The following SCN2A variants were observed in gnomAD, a reference collection of about 807,000 sequenced individuals.
The protein encoded by SCN2A is sodium voltage-gated channel alpha subunit 2, also known as sodium channel protein type 2 subunit alpha.
SCN2A carries 20 observed loss-of-function variants against 188.7 expected under a neutral mutation model. The observed-to-expected ratio is 0.11, with a 90% CI of 0.07 to 0.15. The LOEUF (loss-of-function observed/expected upper bound fraction) is 0.15. SCN2A is among the 10% of genes least tolerant of loss of function. The pLI is 1.00. For synonymous variants in SCN2A, 804 were observed against 833.1 expected (o/e 0.97, Z 0.60); for missense variants, 1,278 against 2,445.0 (o/e 0.52, Z 10.07).
At chr2:165,373,620 A>G (rs1701160478) in intron 21 of SCN2A, among the ~76,000 whole-genome samples, 1 of 152,148 alleles carries the variant, frequency 6.6e-6, no homozygotes, top group African/African-American at 2.4e-5. Flanking sequence ...ATTTGAATCA[A>G]GATTATTTAT....
chr2:165,260,329 A>G (rs891213705), intron 1 of SCN2A, among the ~76,000 whole-genome samples: 2 of 152,154 alleles, frequency 1.3e-5, no homozygotes, highest in African/African-American at 2.4e-5. Flanking sequence ...CTCCTTGCAG[A>G]TCTCCATCAG....
At chr2:165,328,744 A>G (rs1698501078) in intron 13 of SCN2A, among the ~76,000 whole-genome samples, 1 of 152,174 alleles carries the variant, frequency 6.6e-6, no homozygotes, top group African/African-American at 2.4e-5. Context: ...TGTTCTAGGA[A>G]TAAGTGCAAT....
chr2:165,373,149 AT>A, intron 20 of SCN2A, 75 bp from the exon 21 acceptor site: 1 of 1,500,308 alleles, frequency 6.7e-7, no homozygotes, highest in Admixed American at 1.7e-5. Context: ...TTACTGATTC[AT>A]TGCATAGAGC....
At chr2:165,273,283 A>G (rs1054637760) in intron 1 of SCN2A, 2 of 152,170 alleles carry the variant, frequency 1.3e-5, no homozygotes, top group African/African-American at 4.8e-5. Context: ...ATAAGCACTC[A>G]AAGAAAGTTG....
At chr2:165,345,000 T>A (rs1699495950) in intron 16 of SCN2A, 89 bp downstream of exon 16, 1 of 1,542,934 alleles carries the variant, frequency 6.5e-7, no homozygotes, top group Non-Finnish European at 8.9e-7. Flanking sequence ...TTTGTATTTT[T>A]TAAATCAAGG....
intron 1 of SCN2A, chr2:165,271,659 G>A (rs991065231): frequency 6.6e-6 from 1 of 152,008 alleles, no homozygotes; most frequent in African/African-American, 2.4e-5. Context: ...TCCCCTGTCT[G>A]GCAACTGCTC....
intron 1 of SCN2A, among the ~76,000 whole-genome samples, chr2:165,260,499 G>T (rs1421359271): frequency 6.6e-6 from 1 of 152,150 alleles, no homozygotes; most frequent in East Asian, 1.9e-4. Flanking sequence ...CATTCACAGA[G>T]CATAGGCTGA....
chr2:165,241,675 C>T (rs1693628914), intron 1 of SCN2A, among the ~76,000 whole-genome samples: 1 of 152,146 alleles, frequency 6.6e-6, no homozygotes, highest in Admixed American at 6.5e-5. Flanking sequence ...TGTGCAGATA[C>T]CACTATATCT....
At chr2:165,275,874 A>T (rs1695315336) in intron 1 of SCN2A, among the ~76,000 whole-genome samples, 1 of 152,060 alleles carries the variant, frequency 6.6e-6, no homozygotes, top group African/African-American at 2.4e-5. Flanking sequence ...AGCTGGGATT[A>T]CAGGCACCCG....
chr2:165,364,712 C>T (rs1274664088), intron 17 of SCN2A, among the ~76,000 whole-genome samples: 1 of 152,178 alleles, frequency 6.6e-6, no homozygotes, highest in Admixed American at 6.5e-5. Flanking sequence ...TTGATCAAAT[C>T]TTTTCTGAAT....
Position 165,291,401 on chromosome 2 carries a change from T to TG in SCN2A, c.-51-4372_-51-4371insG, listed in dbSNP as rs1559339883. Among the ~76,000 whole-genome samples, 82 of 145,220 alleles carry TG rather than the reference T, an allele frequency of 5.6e-4. 1 individual carries two copies. The highest frequency in any genetic ancestry group is 1.2e-3 in the African/African-American group (49 of 39,756). On this transcript the variant is annotated intron_variant, in intron 1 of 26. Coordinates refer to ENST00000375437, the MANE Select transcript of SCN2A (RefSeq NM_001040142.2). Reference sequence around the variant, plus strand: ...CTTCCTTCCTTCCTTCCTTCCTTCCTTCCTTCCTTCCTTCCTCCCTGTCTG... The same window carrying TG: ...CTTCCTTCCTTCCTTCCTTCCTTCCTGTCCTTCCTTCCTTCCTCCCTGTCTG...
intron 17 of SCN2A, among the ~76,000 whole-genome samples, chr2:165,361,920 C>T (rs1365041111): frequency 6.6e-6 from 1 of 151,920 alleles, no homozygotes; most frequent in African/African-American, 2.4e-5. Flanking sequence ...TCGTCATTGC[C>T]CACACAATTC....
At chr2:165,317,241 G>A (rs550435748) in intron 11 of SCN2A, among the ~76,000 whole-genome samples, 1 of 151,466 alleles carries the variant, frequency 6.6e-6, no homozygotes, top group Non-Finnish European at 1.5e-5. Flanking sequence ...CTTTCATTTT[G>A]TTGTCACAAT....
At chr2:165,333,825 C>G (rs1698832401) in intron 14 of SCN2A, among the ~76,000 whole-genome samples, 1 of 150,182 alleles carries the variant, frequency 6.7e-6, no homozygotes. Context: ...TCAATAAAAC[C>G]AAAAGTTATT....
At chr2:165,361,122 A>G (rs950055138) in intron 17 of SCN2A, among the ~76,000 whole-genome samples, 2 of 151,976 alleles carry the variant, frequency 1.3e-5, no homozygotes, top group African/African-American at 4.8e-5. Flanking sequence ...ATTTGCCTAG[A>G]ATGTAATTTT....
intron 3 of SCN2A, among the ~76,000 whole-genome samples, chr2:165,306,481 T>G (rs1195758543): frequency 6.6e-6 from 1 of 150,796 alleles, no homozygotes; most frequent in African/African-American, 2.4e-5. Context: ...TAAAGAAAAA[T>G]TGTGTTTCTT....
Position 165,296,124 on chromosome 2 carries a change from T to C in SCN2A, c.267+34T>C, listed in dbSNP as rs539326595. ...TTAGTCAAGTTGCCTTCACTGCCTA[T>C]TTACTAATTGGTTCTGGGCTAGTCC... On this transcript the variant is annotated intron_variant, in intron 2 of 26. Transcript: ENST00000375437. 5.6e-6 allele frequency: 9 copies of C among 1,598,902 alleles called. No homozygotes were observed. In the South Asian group the frequency reaches 8.8e-5, roughly 16 times the overall value.
intron 26 of SCN2A, among the ~76,000 whole-genome samples, chr2:165,387,517 T>A (rs767820695): frequency 7.2e-5 from 11 of 152,164 alleles, no homozygotes; most frequent in Non-Finnish European, 1.3e-4. Flanking sequence ...TTTTCTGTGG[T>A]TTGCAATATC....
chr2:165,256,955 GT>G (rs1281332246), intron 1 of SCN2A, among the ~76,000 whole-genome samples: 1 of 152,090 alleles, frequency 6.6e-6, no homozygotes, highest in Non-Finnish European at 1.5e-5. Context: ...ACAGTTACTA[GT>G]TCAACTTGTA....
Sources: allele counts gnomAD v4.1 joint callset (sites outside exome capture counted in the v4.1 genomes callset), GRCh38; gene constraint gnomAD v4.1.1; transcripts MANE v1.5; gene names NCBI Gene and HGNC (gene_info 2026-07-23, HGNC 2026-07-21).